The following RAVER1 variants were observed in gnomAD, a reference collection of about 807,000 sequenced individuals.
RAVER1 encodes ribonucleoprotein PTB-binding 1.
RAVER1 carries 36 observed loss-of-function variants against 68.4 expected under a neutral mutation model. That is an observed-to-expected ratio of 0.53 (90% confidence interval 0.40 to 0.70). The LOEUF (loss-of-function observed/expected upper bound fraction) is 0.70. Among genes scored for constraint, RAVER1 ranks in the 30% least tolerant of loss-of-function variants. RAVER1 has a pLI of 0.00. For synonymous variants in RAVER1, 469 were observed against 472.7 expected (o/e 0.99, Z 0.10); for missense variants, 933 against 1,019.8 (o/e 0.91, Z 1.16).
rs1353321007 is a variant in RAVER1 at position 10,329,162 on chromosome 19, C to T, written c.287-51G>A. The T allele has an allele frequency of 7.7e-6, 9 of 1,173,068 alleles. No homozygotes were observed. Among genetic ancestry groups the T allele is most frequent in the Non-Finnish European group, 1.1e-5 (9 of 848,870 alleles). 72.7% of individuals were successfully genotyped at this position (1,173,068 alleles called of 1,614,324 possible). ...GGTCAGCCGGGCCCTGAGGGCCTGC[C>T]CCTCCACCCCGCCACCCTGCAAACC... On this transcript the variant is annotated intron_variant, in intron 2 of 12. Coordinates refer to ENST00000617231, the MANE Select transcript of RAVER1 (RefSeq NM_133452.3). This position sits in a 1 kb window ranked among gnomAD's most constrained non-coding sequence, Gnocchi z 4.6.
In RAVER1 at chr19:10,323,362, C is replaced by T. The variant is rs778222225; in HGVS notation, c.948+13G>A. On this transcript the variant is annotated intron_variant, in intron 4 of 12. Coordinates refer to ENST00000617231, the MANE Select transcript of RAVER1 (RefSeq NM_133452.3). The surrounding 1 kb of genome is among the most constrained non-coding windows in gnomAD (Gnocchi z 6.2). ...CCATCCCCACCCCGCCACCTCTGCCCGCACAGGCTCACCGTGGCCTGGGCA... is the reference window on the plus strand; with the variant it reads ...CCATCCCCACCCCGCCACCTCTGCCTGCACAGGCTCACCGTGGCCTGGGCA... The T allele has an allele frequency of 4.5e-5, 73 of 1,605,474 alleles. No individual in the cohort carries two copies. The highest frequency in any genetic ancestry group is 8.0e-5 in the African/African-American group (6 of 74,692).
intron 1 of RAVER1, among the ~76,000 whole-genome samples, chr19:10,331,356 C>CAAA (rs58419369): frequency 4.4e-3 from 129 of 29,060 alleles, no homozygotes; most frequent in African/African-American, 5.6e-3. Flanking sequence ...GACTCCGTCT[C>CAAA]AAAAAAAAAA....
rs755454865 is a variant in RAVER1, at chr19:10,317,737, G to C, written c.2026C>G (p.Leu676Val). The change falls in exon 12 of 13, where the codon CTC becomes GTC. Residue 676 changes from leucine (L) to valine (V), a missense_variant. Physicochemically the swap from Leu to Val is conservative, Grantham distance 32. Transcript: ENST00000617231. The surrounding 1 kb of genome is among the most constrained non-coding windows in gnomAD (Gnocchi z 4.3). ...GSSPLGSGEG[L>V]LGLSPGPNGH... ...TTAGGCCCGGGGCTGAGGCCCAGGA[G>C]CCCTTCTCCGGACCCCAGCGGGGAA... 2 of 1,597,114 alleles carry C rather than the reference G, an allele frequency of 1.3e-6. No homozygotes were observed. Among genetic ancestry groups the C allele is most frequent in the East Asian group, 4.5e-5 (2 of 44,370 alleles).
rs1326534162 is a variant in RAVER1, at chr19:10,329,369, C to T, written c.287-258G>A. Among the ~76,000 whole-genome samples, 1 of 152,234 alleles carries T rather than the reference C, an allele frequency of 6.6e-6. No homozygotes were observed. Among genetic ancestry groups the T allele is most frequent in the African/African-American group, 2.4e-5 (1 of 41,468 alleles). On this transcript the variant is annotated intron_variant, in intron 2 of 12. Coordinates refer to ENST00000617231, the MANE Select transcript of RAVER1 (RefSeq NM_133452.3). The surrounding 1 kb of genome is among the most constrained non-coding windows in gnomAD (Gnocchi z 4.6). ...GCGCTCACCAACTGTGGGCCTGGCT[C>T]TGTCCTAAGAACGCTGTGGGTCACT...
rs753055513 is a variant in RAVER1, at chr19:10,333,280, C to A, written c.219+9G>T. ...TCCCGCCACGCTCCTACACCGCCCC[C>A]CCCAATACCTGGTTGGTCACGTCCC... is the stretch of plus-strand genomic sequence containing the variant. On this transcript the variant is annotated intron_variant, in intron 1 of 12. Coordinates refer to ENST00000617231, the MANE Select transcript of RAVER1 (RefSeq NM_133452.3). The surrounding 1 kb of genome is among the most constrained non-coding windows in gnomAD (Gnocchi z 4.2). The A allele has an allele frequency of 1.9e-6, 3 of 1,612,110 alleles. No individual in the cohort carries two copies. Among genetic ancestry groups the A allele is most frequent in the Non-Finnish European group, 1.7e-6 (2 of 1,178,580 alleles).
chr19:10,328,836 G>A lies in RAVER1; in HGVS notation c.562C>T (p.Arg188Cys), dbSNP rs369364878. 2.5e-5 allele frequency: 40 copies of A among 1,613,062 alleles called. No individual in the cohort carries two copies. Among genetic ancestry groups the A allele is most frequent in the East Asian group, 4.5e-5 (2 of 44,882 alleles). The change falls in exon 3 of 13, where the codon CGT becomes TGT. Residue 188 changes from arginine to cysteine, a missense_variant. By Grantham distance (180) the Arg-to-Cys change is radical. This residue lies in a region of RAVER1 where 23 missense variants were observed against 58.7 expected (regional missense o/e 0.39). Transcript: ENST00000617231. This position sits in a 1 kb window ranked among gnomAD's most constrained non-coding sequence, Gnocchi z 4.4. ...TTGCCCAGCAGGTCCGACTTGGCAC[G>A]GGCAGCCGAGTCCTTCTTCATGTAC... ...AEYMKKDSAA[R>C]AKSDLLGKPL...
At chr19:10,326,162 G>A (rs1194369115) in intron 3 of RAVER1, among the ~76,000 whole-genome samples, 1 of 152,192 alleles carries the variant, frequency 6.6e-6, no homozygotes, top group Admixed American at 6.5e-5. Flanking sequence ...GGCTGAAGCT[G>A]GAGAATCACT....
intron 3 of RAVER1, among the ~76,000 whole-genome samples, chr19:10,326,357 G>A (rs1354706299): frequency 1.3e-5 from 2 of 152,396 alleles, no homozygotes; most frequent in African/African-American, 2.4e-5. Flanking sequence ...GGCCTGGTAC[G>A]TAGCAGGTGT....
At chr19:10,324,599 G>A (rs2040461949) in intron 3 of RAVER1, among the ~76,000 whole-genome samples, 1 of 152,078 alleles carries the variant, frequency 6.6e-6, no homozygotes, top group East Asian at 1.9e-4. Flanking sequence ...GGCTGGTCTT[G>A]AACTCCTGAC....
In RAVER1 at chr19:10,316,752, G is replaced by C; in HGVS notation, c.*702C>G. 5.8e-6 allele frequency: 1 copy of C among 172,726 alleles called. No homozygotes were observed. Among genetic ancestry groups the C allele is most frequent in the Non-Finnish European group, 1.2e-5 (1 of 86,276 alleles). The allele number at this position is 172,726 out of a possible 1,614,324, so 10.7% of individuals were successfully genotyped here. On this transcript the variant is annotated 3_prime_UTR_variant, in exon 13 of 13. Coordinates refer to ENST00000617231, the MANE Select transcript of RAVER1 (RefSeq NM_133452.3). Reference sequence around the variant, plus strand: ...TGTTTGGTCCATAGTCAAGCTCCCAGAGCTTGGCATCTGTGGCTCTGGCCA... The same window carrying C: ...TGTTTGGTCCATAGTCAAGCTCCCACAGCTTGGCATCTGTGGCTCTGGCCA...
rs202215753 is a variant in RAVER1 at position 10,333,473 on chromosome 19, G to T, written c.35C>A (p.Pro12Gln). Residue 12 changes from proline to glutamine, a missense_variant, in exon 1 of 13, where the codon CCG becomes CAG. By Grantham distance (76) the Pro-to-Gln change is moderately conservative. Coordinates refer to ENST00000617231, the MANE Select transcript of RAVER1 (RefSeq NM_133452.3). The surrounding 1 kb of genome is among the most constrained non-coding windows in gnomAD (Gnocchi z 4.2). ...AADVSVTHRPPLSPKSGAEVE... is the reference protein window; with the variant it reads ...AADVSVTHRPQLSPKSGAEVE... Reference sequence around the variant, plus strand: ...TTCGGCCCCAGACTTAGGGCTCAGCGGGGGCCGGTGAGTAACGGACACGTC... The same window carrying T: ...TTCGGCCCCAGACTTAGGGCTCAGCTGGGGCCGGTGAGTAACGGACACGTC... 9.6e-4 allele frequency: 1,546 copies of T among 1,610,046 alleles called. 15 individuals carry two copies. In the Admixed American group the frequency reaches 0.019, roughly 20 times the overall value.
chr19:10,324,474 G>A (rs1456913498), intron 3 of RAVER1, among the ~76,000 whole-genome samples: 1 of 152,100 alleles, frequency 6.6e-6, no homozygotes, highest in Admixed American at 6.6e-5. Flanking sequence ...CCACCTCCTG[G>A]GTTCAAGTGA....
intron 1 of RAVER1, among the ~76,000 whole-genome samples, chr19:10,332,808 CTGT>C (rs1479187537): frequency 1.3e-5 from 2 of 151,644 alleles, no homozygotes; most frequent in South Asian, 2.1e-4. Flanking sequence ...CCAGGGGCTG[CTGT>C]TAACTTCCGG....
Position 10,320,737 on chromosome 19 carries a change from G to C in RAVER1, c.1688C>G (p.Ser563Cys), listed in dbSNP as rs771310400. 3 of 1,528,798 alleles carry C rather than the reference G, an allele frequency of 2.0e-6. No homozygotes were observed. Among genetic ancestry groups the C allele is most frequent in the Non-Finnish European group, 8.7e-7 (1 of 1,146,980 alleles). 94.7% of individuals were successfully genotyped at this position (1,528,798 alleles called of 1,614,324 possible). ...GCTGCTGAGGGGGCTGAGCAGGCGG[G>C]ACTTGAGCTGGAAGGCTTTGCTGCT... ...SSSSKAFQLK[S>C]RLLSPLSSAR... Residue 563 changes from serine (S) to cysteine (C), a missense_variant, in exon 9 of 13, where the codon TCC (serine) becomes TGC (cysteine). Transcript: ENST00000617231.
At chr19:10,331,684 CAA>C (rs61614587) in intron 1 of RAVER1, among the ~76,000 whole-genome samples, 2 of 73,286 alleles carry the variant, frequency 2.7e-5, no homozygotes, top group Admixed American at 1.9e-4. Flanking sequence ...GACTCCGTCT[CAA>C]AAAAAAAAAA....
rs758883714 is a variant in RAVER1 at position 10,323,555 on chromosome 19, G to C, written c.768C>G (p.Gly256=). 1.9e-5 allele frequency: 30 copies of C among 1,586,346 alleles called. No individual in the cohort carries two copies. The highest frequency in any genetic ancestry group is 5.2e-5 in the Admixed American group (3 of 57,984). The change falls in exon 4 of 13, where the codon GGC becomes GGG. Residue 256 remains glycine (G), a synonymous_variant. Transcript: ENST00000617231. This position sits in a 1 kb window ranked among gnomAD's most constrained non-coding sequence, Gnocchi z 6.2. ...HSPTFCQLAC[G]QDGQLKGFAV... ...CGAAGCCCTTCAGCTGCCCATCCTG[G>C]CCGCACGCCAGCTGCCGGAGGAAGG...
In RAVER1 at chr19:10,333,138, C is replaced by T; in HGVS notation, c.219+151G>A. Reference sequence around the variant, plus strand: ...TTCATCATCGCCCCCCCACGTCCCGCTCTTGGTCTCTCCCGATCCCGCGTG... The same window carrying T: ...TTCATCATCGCCCCCCCACGTCCCGTTCTTGGTCTCTCCCGATCCCGCGTG... On this transcript the variant is annotated intron_variant, in intron 1 of 12. Transcript: ENST00000617231. The surrounding 1 kb of genome is among the most constrained non-coding windows in gnomAD (Gnocchi z 4.2). The T allele has an allele frequency of 1.3e-6, 1 of 751,596 alleles. No homozygotes were observed. Among genetic ancestry groups the T allele is most frequent in the East Asian group, 2.8e-5 (1 of 36,084 alleles). The allele number at this position is 751,596 out of a possible 1,614,324, so 46.6% of individuals were successfully genotyped here.
At chr19:10,332,165 T>C (rs2040524541) in intron 1 of RAVER1, among the ~76,000 whole-genome samples, 1 of 152,098 alleles carries the variant, frequency 6.6e-6, no homozygotes, top group African/African-American at 2.4e-5. Context: ...TGGCTAATTT[T>C]TAAAAATTTT....
chr19:10,331,992 C>G (rs1262178508), intron 1 of RAVER1, among the ~76,000 whole-genome samples: 1 of 151,936 alleles, frequency 6.6e-6, no homozygotes, highest in African/African-American at 2.4e-5. Context: ...CAAGCCAGCT[C>G]ATTTATTTTT....
Sources: allele counts gnomAD v4.1 joint callset (sites outside exome capture counted in the v4.1 genomes callset), GRCh38; gene constraint gnomAD v4.1.1; regional missense constraint gnomAD v4.1.1; non-coding constraint Gnocchi (gnomAD v3.1); transcripts MANE v1.5; gene names NCBI Gene and HGNC (gene_info 2026-07-23, HGNC 2026-07-21).